KLHL1: variants seen among roughly 807,000 people sequenced by gnomAD.
The protein encoded by KLHL1 is kelch like family member 1, also known as kelch-like protein 1.
Under a neutral mutation model 77.7 loss-of-function variants are expected in KLHL1, and 47 were observed. The ratio of observed to expected loss-of-function variants is 0.60; its 90% CI spans 0.48 to 0.77. KLHL1 has a LOEUF of 0.77. KLHL1 is among the 30% of genes least tolerant of loss of function. KLHL1 has a pLI of 0.00. For synonymous variants in KLHL1, 360 were observed against 325.2 expected (o/e 1.11, Z -1.15); for missense variants, 925 against 910.8 (o/e 1.02, Z -0.20).
At chr13:69,797,110 T>G in intron 6 of KLHL1, 148 bp from the exon 7 acceptor site, 1 of 633,732 alleles carries the variant, frequency 1.6e-6, no homozygotes, top group Non-Finnish European at 2.8e-6. Context: ...AAAGGAGTAG[T>G]AATTCAACTA....
chr13:70,088,089 G>C (rs1231509161), intron 1 of KLHL1, among the ~76,000 whole-genome samples: 1 of 152,080 alleles, frequency 6.6e-6, no homozygotes, highest in Non-Finnish European at 1.5e-5. Context: ...TAAAACAAAA[G>C]TAGGTTTTTT....
intron 5 of KLHL1, among the ~76,000 whole-genome samples, chr13:69,864,476 G>T (rs564832644): frequency 1.3e-5 from 2 of 151,912 alleles, no homozygotes; most frequent in East Asian, 3.9e-4. Flanking sequence ...AATTTTAAAA[G>T]CCAAATTGTA....
chr13:70,083,360 C>T (rs147716869), intron 1 of KLHL1, among the ~76,000 whole-genome samples: 149 of 152,232 alleles, frequency 9.8e-4, no homozygotes, highest in African/African-American at 3.4e-3. Flanking sequence ...TTTTTAGAGA[C>T]AGAGTCTTGC....
intron 5 of KLHL1, among the ~76,000 whole-genome samples, chr13:69,881,660 A>G (rs576897315): frequency 3.5e-4 from 54 of 152,234 alleles, no homozygotes; most frequent in African/African-American, 1.1e-3. Flanking sequence ...AGTGAACTTC[A>G]TGTTCTTATT....
intron 4 of KLHL1, among the ~76,000 whole-genome samples, chr13:69,910,932 T>C (rs1004663495): frequency 1.3e-5 from 2 of 152,102 alleles, no homozygotes; most frequent in African/African-American, 4.8e-5. Flanking sequence ...AATGAAACTT[T>C]ACTACCATTG....
chr13:70,060,129 CAGA>C (rs1456781362), intron 1 of KLHL1, among the ~76,000 whole-genome samples: 5 of 152,082 alleles, frequency 3.3e-5, no homozygotes, highest in African/African-American at 1.2e-4. Context: ...AGACATTTTA[CAGA>C]AGAAGATATA....
rs1287711063 is a variant in KLHL1, at chr13:69,955,435, T to G, written c.817+5873A>C. ...TGATTAAAGGTCTGCCATTTGGCAG[T>G]TTAATTTCCTAACCCTCTTCTTAAT... On this transcript the variant is annotated intron_variant, in intron 3 of 10. Transcript: ENST00000377844. 1.4e-4 allele frequency among the ~76,000 whole-genome samples: 21 copies of G among 151,376 alleles called. No individual in the cohort carries two copies. The Admixed American group carries it at 1.4e-3, about 10-fold the overall frequency.
At chr13:69,768,757 A>AT (rs1467962638) in intron 7 of KLHL1, among the ~76,000 whole-genome samples, 3 of 152,140 alleles carry the variant, frequency 2.0e-5, no homozygotes, top group Non-Finnish European at 4.4e-5. Flanking sequence ...ATTACTAGTT[A>AT]TTTCTTGACT....
At chr13:69,839,190 T>A (rs753130215) in intron 5 of KLHL1, 28 bp from the exon 6 acceptor site, 1 of 1,454,494 alleles carries the variant, frequency 6.9e-7, no homozygotes, top group Non-Finnish European at 9.4e-7. Context: ...TAGCTGTTAA[T>A]AATGTTTTCA....
chr13:69,796,270 G>A (rs1157582375), intron 7 of KLHL1, among the ~76,000 whole-genome samples: 2 of 152,096 alleles, frequency 1.3e-5, no homozygotes, highest in Non-Finnish European at 2.9e-5. Flanking sequence ...TCATAGTTTG[G>A]ATGTTTGTCC....
intron 4 of KLHL1, among the ~76,000 whole-genome samples, chr13:69,915,989 A>C (rs976180556): frequency 3.9e-5 from 6 of 152,242 alleles, no homozygotes; most frequent in African/African-American, 2.4e-5. Flanking sequence ...ACATGAAAAA[A>C]TGCTCATCAT....
intron 4 of KLHL1, among the ~76,000 whole-genome samples, chr13:69,935,409 C>T (rs1883154968): frequency 6.6e-6 from 1 of 151,808 alleles, no homozygotes; most frequent in Non-Finnish European, 1.5e-5. Flanking sequence ...ATTAATTGAG[C>T]AGATAGACAA....
intron 1 of KLHL1, among the ~76,000 whole-genome samples, chr13:70,083,996 A>T (rs2137433171): frequency 6.6e-6 from 1 of 152,286 alleles, no homozygotes; most frequent in Non-Finnish European, 1.5e-5. Flanking sequence ...GAAGAAAGTC[A>T]CTCAAAACGC....
chr13:69,916,641 A>G (rs1370433810), intron 4 of KLHL1, among the ~76,000 whole-genome samples: 2 of 152,034 alleles, frequency 1.3e-5, no homozygotes, highest in Non-Finnish European at 2.9e-5. Context: ...CGTAATGTTA[A>G]ATGATGAGTT....
At chr13:69,915,988 A>G (rs1213521751) in intron 4 of KLHL1, among the ~76,000 whole-genome samples, 1 of 152,218 alleles carries the variant, frequency 6.6e-6, no homozygotes, top group Non-Finnish European at 1.5e-5. Context: ...CACATGAAAA[A>G]ATGCTCATCA....
chr13:69,986,520 T>G (rs1884876386), intron 1 of KLHL1, among the ~76,000 whole-genome samples: 1 of 152,034 alleles, frequency 6.6e-6, no homozygotes, highest in African/African-American at 2.4e-5. Flanking sequence ...ACTCTATAGT[T>G]GATATTAAAC....
chr13:69,817,050 C>T lies in KLHL1; in HGVS notation c.1415-20088G>A, dbSNP rs61388440. On this transcript the variant is annotated intron_variant, in intron 6 of 10. Transcript: ENST00000377844. ...CAAACATTATTGTGAGACTATTTTA[C>T]GTTTTCATCTTAAAATGCTTACTGA... 4.6e-3 allele frequency among the ~76,000 whole-genome samples: 693 copies of T among 152,050 alleles called. 10 individuals carry two copies. The highest frequency in any genetic ancestry group is 0.016 in the African/African-American group (662 of 41,536).
chr13:69,927,701 A>ATACT (rs1882861799), intron 4 of KLHL1, among the ~76,000 whole-genome samples: 1 of 152,202 alleles, frequency 6.6e-6, no homozygotes, highest in African/African-American at 2.4e-5. Context: ...AAACCACGAA[A>ATACT]TACTATTTTA....
chr13:69,988,958 G>T (rs1884949957), intron 1 of KLHL1, among the ~76,000 whole-genome samples: 1 of 151,808 alleles, frequency 6.6e-6, no homozygotes, highest in Non-Finnish European at 1.5e-5. Context: ...TGCAGAGGCT[G>T]TTTAATTAGA....
Sources: gnomAD v4.1 joint callset for allele counts (sites outside exome capture counted in the v4.1 genomes callset) on GRCh38, gnomAD v4.1.1 for gene constraint, MANE v1.5 for transcripts, NCBI Gene and HGNC (gene_info 2026-07-23, HGNC 2026-07-21) for gene names.